ZFPM2: variants seen among roughly 807,000 people sequenced by gnomAD.
ZFPM2 encodes zinc finger protein, FOG family member 2.
Under a neutral mutation model 98.6 loss-of-function variants are expected in ZFPM2, and 20 were observed. That is an observed-to-expected ratio of 0.20 (90% CI 0.14 to 0.29). The LOEUF (loss-of-function observed/expected upper bound fraction) is 0.29, where lower values mean the gene tolerates loss of function less well. Among genes scored for constraint, ZFPM2 ranks in the 10% least tolerant of loss-of-function variants. The pLI is 1.00. For missense variants in ZFPM2, 1,310 were observed against 1,388.6 expected, an observed-to-expected ratio of 0.94 and a Z score of 0.90; for synonymous variants, 518 against 502.7, an observed-to-expected ratio of 1.03 and a Z score of -0.41.
At chr8:105,707,262 GA>G (rs143466473) in intron 5 of ZFPM2, among the ~76,000 whole-genome samples, 18,679 of 145,784 alleles carry the variant, frequency 0.13, 1,469 homozygotes, top group South Asian at 0.29. Flanking sequence ...AAAAGAAAAA[GA>G]AAAAAAAAGC....
rs112369697 is a variant in ZFPM2, at chr8:105,766,371, A to G, written c.533-22347A>G. Among the ~76,000 whole-genome samples, 175 of 151,966 alleles carry G rather than the reference A, an allele frequency of 1.2e-3. 2 individuals are homozygous for G. Among genetic ancestry groups the G allele is most frequent in the African/African-American group, 4.0e-3 (166 of 41,510 alleles). On this transcript the variant is annotated intron_variant, in intron 5 of 7. Coordinates refer to ENST00000407775, the MANE Select transcript of ZFPM2 (RefSeq NM_012082.4). ...ATCAAAAGTGATAGCTAGGATGACA[A>G]TTTACATCTGGGATGTCATCTTAAG...
In ZFPM2 at chr8:105,800,141, C is replaced by G. The variant is rs149376297; in HGVS notation, c.965-906C>G. Among the ~76,000 whole-genome samples, 33 of 152,164 alleles carry G rather than the reference C, an allele frequency of 2.2e-4. 1 individual carries two copies. Among genetic ancestry groups the G allele is most frequent in the African/African-American group, 6.3e-4 (26 of 41,530 alleles). Reference sequence around the variant, plus strand: ...TAGATTCATTAAGGAGAAAAAGAGACAAGGATAGGTAGTCCCCTTTTATGA... The same window carrying G: ...TAGATTCATTAAGGAGAAAAAGAGAGAAGGATAGGTAGTCCCCTTTTATGA... On this transcript the variant is annotated intron_variant, in intron 7 of 7. Coordinates refer to ENST00000407775, the MANE Select transcript of ZFPM2 (RefSeq NM_012082.4).
At chr8:105,753,696 A>G (rs1812526361) in intron 5 of ZFPM2, among the ~76,000 whole-genome samples, 1 of 152,204 alleles carries the variant, frequency 6.6e-6, no homozygotes, top group South Asian at 2.1e-4. Context: ...AAATAAATTT[A>G]TATTTGTCTT....
intron 1 of ZFPM2, among the ~76,000 whole-genome samples, chr8:105,417,718 T>C (rs1811706659): frequency 6.6e-6 from 1 of 152,162 alleles, no homozygotes. Context: ...TAAAATCTAA[T>C]ATGAGATGCA....
chr8:105,427,537 T>C (rs1411661718), intron 2 of ZFPM2, among the ~76,000 whole-genome samples: 1 of 152,212 alleles, frequency 6.6e-6, no homozygotes, highest in Admixed American at 6.5e-5. Flanking sequence ...CTTATTAATA[T>C]GTAAAATTTT....
At chr8:105,606,362 C>CT (rs1816197079) in intron 4 of ZFPM2, among the ~76,000 whole-genome samples, 1 of 151,820 alleles carries the variant, frequency 6.6e-6, no homozygotes, top group Non-Finnish European at 1.5e-5. Flanking sequence ...ATTTCCATAT[C>CT]TTTTTTTCAT....
chr8:105,566,201 C>T (rs893973183), intron 4 of ZFPM2, among the ~76,000 whole-genome samples: 2 of 152,084 alleles, frequency 1.3e-5, no homozygotes, highest in African/African-American at 4.8e-5. Context: ...AATGAACCAT[C>T]ACAGGCTCCG....
intron 4 of ZFPM2, among the ~76,000 whole-genome samples, chr8:105,580,827 C>CTATA (rs3049323): frequency 0.023 from 2,967 of 131,396 alleles, 85 homozygotes; most frequent in African/African-American, 0.06. Flanking sequence ...CTCTCTCTCT[C>CTATA]TATATATATA....
At chr8:105,475,691 T>G (rs2130365346) in intron 3 of ZFPM2, among the ~76,000 whole-genome samples, 1 of 152,298 alleles carries the variant, frequency 6.6e-6, no homozygotes, top group Middle Eastern at 3.4e-3. Context: ...TAGGGAATGG[T>G]TTTTTCATGT....
intron 6 of ZFPM2, among the ~76,000 whole-genome samples, chr8:105,794,048 T>TTGTC (rs1813711073): frequency 6.6e-6 from 1 of 152,226 alleles, no homozygotes; most frequent in South Asian, 2.1e-4. Flanking sequence ...CGTAGTTTGA[T>TTGTC]TGTCTGAAGC....
chr8:105,473,807 A>C (rs2130358277), intron 3 of ZFPM2, among the ~76,000 whole-genome samples: 1 of 152,378 alleles, frequency 6.6e-6, no homozygotes, highest in African/African-American at 2.4e-5. Flanking sequence ...AATGTGTGTT[A>C]ATATGTGAGT....
intron 5 of ZFPM2, among the ~76,000 whole-genome samples, chr8:105,748,594 T>C (rs1178109069): frequency 6.6e-6 from 1 of 152,064 alleles, no homozygotes; most frequent in Admixed American, 6.6e-5. Context: ...TGATTTGCTT[T>C]TGTTTTGTTT....
intron 1 of ZFPM2, among the ~76,000 whole-genome samples, chr8:105,353,442 GT>G (rs1387621672): frequency 2.0e-5 from 3 of 151,884 alleles, no homozygotes; most frequent in African/African-American, 4.8e-5. Flanking sequence ...AAGGATTTTT[GT>G]TGTTGTTGTT....
At chr8:105,600,595 A>T (rs1177208028) in intron 4 of ZFPM2, among the ~76,000 whole-genome samples, 1 of 152,136 alleles carries the variant, frequency 6.6e-6, no homozygotes, top group African/African-American at 2.4e-5. Flanking sequence ...AATTTAATAA[A>T]TGCTATAGTT....
At chr8:105,662,902 T>C (rs1177071280) in intron 5 of ZFPM2, 1 of 152,064 alleles carries the variant, frequency 6.6e-6, no homozygotes. Flanking sequence ...GAGAAGAGTG[T>C]GCATGATAAC....
chr8:105,652,133 C>T (rs1373143701), intron 5 of ZFPM2, among the ~76,000 whole-genome samples: 2 of 151,506 alleles, frequency 1.3e-5, no homozygotes, highest in Non-Finnish European at 2.9e-5. Flanking sequence ...CTTGCTATTA[C>T]TGGGTGGTTC....
chr8:105,434,192 A>G (rs558882981), intron 2 of ZFPM2, among the ~76,000 whole-genome samples: 11 of 145,994 alleles, frequency 7.5e-5, no homozygotes, highest in Non-Finnish European at 1.4e-4. Context: ...GAAATTCTTA[A>G]TTTTTTTTTT....
chr8:105,604,541 G>A (rs987789716), intron 4 of ZFPM2, among the ~76,000 whole-genome samples: 21 of 151,982 alleles, frequency 1.4e-4, no homozygotes, highest in Non-Finnish European at 5.9e-5. Flanking sequence ...TACATGATCT[G>A]GACTTTTTCT....
chr8:105,788,294 A>T (rs1277310704), intron 5 of ZFPM2, among the ~76,000 whole-genome samples: 1 of 152,124 alleles, frequency 6.6e-6, no homozygotes, highest in East Asian at 1.9e-4. Flanking sequence ...GAGAGAGATA[A>T]ATAACTTTTT....
Sources: allele counts gnomAD v4.1 joint callset (sites outside exome capture counted in the v4.1 genomes callset), GRCh38; gene constraint gnomAD v4.1.1; transcripts MANE v1.5; gene names NCBI Gene and HGNC (gene_info 2026-07-23, HGNC 2026-07-21).